SOX6: variants seen among roughly 807,000 people sequenced by gnomAD.
The protein encoded by SOX6 is SRY-box transcription factor 6.
SOX6 carries 11 observed loss-of-function variants against 97.8 expected under a neutral mutation model. The ratio of observed to expected loss-of-function variants is 0.11; its 90% CI spans 0.07 to 0.19. The LOEUF (loss-of-function observed/expected upper bound fraction) is 0.19, where lower values mean the gene tolerates loss of function less well. Among genes scored for constraint, SOX6 ranks in the 10% least tolerant of loss-of-function variants. SOX6 has a pLI of 1.00. For missense variants in SOX6, 810 were observed against 1,039.5 expected, an observed-to-expected ratio of 0.78 and a Z score of 3.04; for synonymous variants, 360 against 371.4, an observed-to-expected ratio of 0.97 and a Z score of 0.35.
At chr11:16,121,888 C>T (rs920846608) in intron 6 of SOX6, among the ~76,000 whole-genome samples, 1 of 151,954 alleles carries the variant, frequency 6.6e-6, no homozygotes, top group East Asian at 1.9e-4. Flanking sequence ...ATATCTACTA[C>T]CTTTTCAATC....
chr11:15,979,035 T>TAA (rs1853585180), intron 15 of SOX6, among the ~76,000 whole-genome samples: 1 of 83,238 alleles, frequency 1.2e-5, no homozygotes, highest in Non-Finnish European at 2.4e-5. Flanking sequence ...ATTTTATATA[T>TAA]ATTTTACATA....
chr11:16,169,898 C>A (rs544148661), intron 6 of SOX6, among the ~76,000 whole-genome samples: 3 of 145,154 alleles, frequency 2.1e-5, no homozygotes, highest in South Asian at 2.3e-4. Flanking sequence ...TTAAAATACA[C>A]CCTTGTAATT....
chr11:16,180,460 A>C (rs1851318300), intron 6 of SOX6, among the ~76,000 whole-genome samples: 1 of 151,712 alleles, frequency 6.6e-6, no homozygotes, highest in Non-Finnish European at 1.5e-5. Flanking sequence ...CTTGGTAAAA[A>C]ATATGCTATT....
chr11:15,997,629 C>T (rs777030842), intron 13 of SOX6, among the ~76,000 whole-genome samples: 3 of 152,218 alleles, frequency 2.0e-5, no homozygotes, highest in African/African-American at 2.4e-5. Context: ...ACATTCAATA[C>T]TCAATCATGT....
intron 4 of SOX6, among the ~76,000 whole-genome samples, chr11:16,552,938 A>C (rs551644696): frequency 6.6e-6 from 1 of 152,328 alleles, no homozygotes; most frequent in East Asian, 1.9e-4. Context: ...GAAGTGAGTA[A>C]CAATCTCTCA....
At chr11:16,385,022 G>T (rs1367167357) in intron 1 of SOX6, among the ~76,000 whole-genome samples, 3 of 151,978 alleles carry the variant, frequency 2.0e-5, no homozygotes, top group Non-Finnish European at 4.4e-5. Flanking sequence ...TTTTAAAAGA[G>T]TGAAAAGCAG....
intron 12 of SOX6, among the ~76,000 whole-genome samples, chr11:16,039,053 A>G (rs982293244): frequency 6.6e-6 from 1 of 152,062 alleles, no homozygotes; most frequent in Non-Finnish European, 1.5e-5. Flanking sequence ...GAAGCTCACA[A>G]TCGAGTCTGT....
chr11:16,524,952 C>A (rs1368623418), intron 4 of SOX6, among the ~76,000 whole-genome samples: 2 of 152,144 alleles, frequency 1.3e-5, no homozygotes, highest in Non-Finnish European at 2.9e-5. Context: ...TCAAGGAGAA[C>A]TACAAACCAC....
At chr11:16,635,485 T>C (rs1848771147) in intron 3 of SOX6, among the ~76,000 whole-genome samples, 1 of 152,142 alleles carries the variant, frequency 6.6e-6, no homozygotes, top group Non-Finnish European at 1.5e-5. Flanking sequence ...AGAAGAAATT[T>C]TTAAGCCACA....
intron 3 of SOX6, among the ~76,000 whole-genome samples, chr11:16,262,567 G>A (rs1026792978): frequency 1.3e-5 from 2 of 152,050 alleles, no homozygotes; most frequent in African/African-American, 4.8e-5. Context: ...GAAGAGAGCT[G>A]CATACCATAC....
At chr11:16,362,635 G>C (rs1007291005) in intron 1 of SOX6, among the ~76,000 whole-genome samples, 1 of 151,904 alleles carries the variant, frequency 6.6e-6, no homozygotes, top group African/African-American at 2.4e-5. Context: ...GAAAAAAAAA[G>C]TGGGGGAGCT....
chr11:16,472,670 T>A (rs72873324), intron 1 of SOX6, among the ~76,000 whole-genome samples: 18,259 of 152,104 alleles, frequency 0.12, 1,229 homozygotes, highest in Non-Finnish European at 0.15. Flanking sequence ...AACATGAACA[T>A]CTATTTTTTT....
At chr11:16,691,507 G>A (rs1651290582) in intron 3 of SOX6, among the ~76,000 whole-genome samples, 1 of 152,112 alleles carries the variant, frequency 6.6e-6, no homozygotes, top group Non-Finnish European at 1.5e-5. Context: ...GTAAAGAAGG[G>A]AAAAAACTGG....
rs147592402 is a variant in SOX6, at chr11:16,023,922, A to G, written c.1624-8872T>C. 1.4e-3 allele frequency among the ~76,000 whole-genome samples: 214 copies of G among 152,294 alleles called. 1 individual carries two copies. The highest frequency in any genetic ancestry group is 4.8e-3 in the African/African-American group (200 of 41,568). Reference sequence around the variant, plus strand: ...AAATAACTTCACGAGATTTGGAAATATCCAAGCTGAGTAAATATGGTTGTT... The same window carrying G: ...AAATAACTTCACGAGATTTGGAAATGTCCAAGCTGAGTAAATATGGTTGTT... On this transcript the variant is annotated intron_variant, in intron 12 of 15. Coordinates refer to ENST00000683767, the MANE Select transcript of SOX6 (RefSeq NM_001367873.1).
rs148568627 is a variant in SOX6, at chr11:16,726,239, T to A, written n.353+10100A>T. On this transcript the variant is annotated intron_variant and non_coding_transcript_variant, in intron 2 of 5. Coordinates refer to the SOX6 transcript ENST00000524520. ...GCCTGGCCAACATGGTGAAACCCCATCTGTACTAAAAATACAAAGATCAGC... is the reference window on the plus strand; with the variant it reads ...GCCTGGCCAACATGGTGAAACCCCAACTGTACTAAAAATACAAAGATCAGC... Among the ~76,000 whole-genome samples, 641 of 152,280 alleles carry A rather than the reference T, an allele frequency of 4.2e-3. 4 individuals are homozygous for A. The highest frequency in any genetic ancestry group is 0.015 in the African/African-American group (620 of 41,552).
chr11:16,446,457 C>T (rs979109793), intron 1 of SOX6, among the ~76,000 whole-genome samples: 5 of 151,970 alleles, frequency 3.3e-5, no homozygotes, highest in South Asian at 2.1e-4. Context: ...ATGAGGTAAG[C>T]GAATTACCTT....
intron 1 of SOX6, among the ~76,000 whole-genome samples, chr11:16,405,479 G>A (rs773601944): frequency 2.0e-5 from 3 of 152,006 alleles, no homozygotes; most frequent in African/African-American, 4.8e-5. Flanking sequence ...ATGGAGGGAC[G>A]TGACTGTTTG....
chr11:16,514,438 C>T (rs1373653685), intron 4 of SOX6, among the ~76,000 whole-genome samples: 1 of 151,982 alleles, frequency 6.6e-6, no homozygotes, highest in Non-Finnish European at 1.5e-5. Flanking sequence ...GCTTTCCCTG[C>T]TATTAGCTAA....
intron 4 of SOX6, among the ~76,000 whole-genome samples, chr11:16,226,823 T>C (rs756235764): frequency 3.9e-5 from 6 of 152,192 alleles, no homozygotes; most frequent in Admixed American, 6.5e-5. Context: ...TGGTTTGCCA[T>C]ACTGCCTAAT....
Sources: gnomAD v4.1 joint callset for allele counts (sites outside exome capture counted in the v4.1 genomes callset) on GRCh38, gnomAD v4.1.1 for gene constraint, MANE v1.5 for transcripts, NCBI Gene and HGNC (gene_info 2026-07-23, HGNC 2026-07-21) for gene names.